Variants in COL21A1 observed in about 807,000 individuals in gnomAD.
The protein encoded by COL21A1 is collagen type XXI alpha 1 chain, also known as collagen alpha-1(XXI) chain.
COL21A1 carries 149 observed loss-of-function variants against 137.9 expected under a neutral mutation model. The observed-to-expected ratio is 1.08, with a 90% confidence interval of 0.95 to 1.24. COL21A1 has a LOEUF of 1.24. Ranked by LOEUF, COL21A1 falls within the 50% of genes most tolerant of loss-of-function variation. The pLI is 0.00. For missense variants in COL21A1, 1,167 were observed against 1,158.4 expected (o/e 1.01, Z -0.11); for synonymous variants, 456 against 391.5 (o/e 1.16, Z -1.95).
rs188864295 is a variant in COL21A1, at chr6:56,150,446, A to G, written c.1434+6441T>C. The stretch of plus-strand genomic sequence containing the variant: ...GGCAGGAGAATGGCGTGAACCTGGG[A>G]GGCGGAGCTTGCAGTGAGCCGAGAG... On this transcript the variant is annotated intron_variant, in intron 10 of 29. Coordinates refer to ENST00000244728, the MANE Select transcript of COL21A1 (RefSeq NM_030820.4). Among the ~76,000 whole-genome samples, 692 of 150,672 alleles carry G rather than the reference A, an allele frequency of 4.6e-3. 10 individuals carry two copies. Among genetic ancestry groups the G allele is most frequent in the African/African-American group, 0.016 (664 of 41,136 alleles).
intron 17 of COL21A1, among the ~76,000 whole-genome samples, chr6:56,085,440 T>C (rs911301082): frequency 6.6e-6 from 1 of 152,092 alleles, no homozygotes; most frequent in African/African-American, 2.4e-5. Context: ...CGAACCCATT[T>C]GGAAATATAA....
chr6:56,112,781 T>G (rs1429862263), intron 16 of COL21A1, among the ~76,000 whole-genome samples: 2 of 150,140 alleles, frequency 1.3e-5, no homozygotes, highest in African/African-American at 4.9e-5. Flanking sequence ...GCCTCCCAGG[T>G]TCAACCGATT....
In COL21A1 at chr6:56,171,007, T is replaced by C; in HGVS notation, c.762A>G (p.Ile254Met). The change falls in exon 4 of 30, where the codon ATA becomes ATG. Residue 254 changes from isoleucine (I) to methionine (M), a missense_variant. By Grantham distance (10) the Ile-to-Met change is conservative. Transcript: ENST00000244728. ...CTTTTGATGTTACTTCATATCCTTT[T>C]ATCTTTTTTGGTGAAAGCTGTATTC... ...KKRIQLSPKK[I>M]KGYEVTSKVD... The C allele has an allele frequency of 1.2e-6, 2 of 1,607,890 alleles. No homozygotes were observed. The highest frequency in any genetic ancestry group is 1.7e-6 in the Non-Finnish European group (2 of 1,177,658).
intron 1 of COL21A1, chr6:56,276,774 A>G: frequency 2.5e-6 from 3 of 1,182,194 alleles, no homozygotes; most frequent in Non-Finnish European, 3.8e-6. Context: ...TTTATTTGCT[A>G]ATTCTGGTTG....
intron 1 of COL21A1, among the ~76,000 whole-genome samples, chr6:56,185,813 A>G (rs1332512354): frequency 1.3e-5 from 2 of 152,252 alleles, no homozygotes; most frequent in Non-Finnish European, 2.9e-5. Flanking sequence ...TTAATCAAAA[A>G]CATTCACACA....
intron 17 of COL21A1, among the ~76,000 whole-genome samples, chr6:56,089,520 A>T (rs1267780490): frequency 3.3e-5 from 5 of 152,298 alleles, no homozygotes; most frequent in Non-Finnish European, 5.9e-5. Context: ...GTTCCAAAAA[A>T]ATTTTTCACT....
At chr6:56,104,146 G>T (rs995389914) in intron 16 of COL21A1, among the ~76,000 whole-genome samples, 2 of 152,020 alleles carry the variant, frequency 1.3e-5, no homozygotes, top group Admixed American at 1.3e-4. Flanking sequence ...TAATTTATAG[G>T]AGTTTTTTTA....
intron 1 of COL21A1, among the ~76,000 whole-genome samples, chr6:56,371,908 G>A (rs2093989512): frequency 6.6e-6 from 1 of 152,134 alleles, no homozygotes; most frequent in Non-Finnish European, 1.5e-5. Context: ...CCACACCCAA[G>A]TCCCTGCTCC....
At chr6:56,254,041 C>T (rs949443394) in intron 1 of COL21A1, among the ~76,000 whole-genome samples, 8 of 152,094 alleles carry the variant, frequency 5.3e-5, no homozygotes, top group African/African-American at 1.9e-4. Context: ...TTTTATCATC[C>T]TCAATTTCAG....
At chr6:56,252,654 G>A (rs769105091) in intron 1 of COL21A1, among the ~76,000 whole-genome samples, 6 of 152,156 alleles carry the variant, frequency 3.9e-5, no homozygotes, top group South Asian at 2.1e-4. Context: ...TATAAAGACA[G>A]TGAGTTCCAT....
chr6:56,069,401 C>T (rs896764149), intron 21 of COL21A1, among the ~76,000 whole-genome samples: 12 of 151,014 alleles, frequency 7.9e-5, no homozygotes, highest in African/African-American at 1.7e-4. Context: ...CAATAATAAA[C>T]GAAATAATAA....
chr6:56,175,467 A>ATGTT (rs1561948621), intron 3 of COL21A1, among the ~76,000 whole-genome samples: 1 of 152,130 alleles, frequency 6.6e-6, no homozygotes, highest in Admixed American at 6.5e-5. Context: ...CAAATTCAAC[A>ATGTT]TATAAAAATC....
At chr6:56,170,538 A>C (rs1458899171) in intron 5 of COL21A1, 111 bp downstream of exon 5, 1 of 726,686 alleles carries the variant, frequency 1.4e-6, no homozygotes, top group Non-Finnish European at 2.2e-6. Flanking sequence ...TTTAAAGTAA[A>C]AATATTTCCA....
intron 1 of COL21A1, among the ~76,000 whole-genome samples, chr6:56,207,545 T>C (rs1207960187): frequency 2.6e-5 from 4 of 152,150 alleles, no homozygotes; most frequent in African/African-American, 9.7e-5. Flanking sequence ...CAGAAATTAA[T>C]AGCCTACCAA....
intron 1 of COL21A1, among the ~76,000 whole-genome samples, chr6:56,210,912 A>T (rs533560477): frequency 6.6e-6 from 1 of 152,104 alleles, no homozygotes; most frequent in East Asian, 1.9e-4. Flanking sequence ...AATTTAAACC[A>T]TTGAATGTAA....
At chr6:56,162,132 C>G (rs1215994994) in intron 9 of COL21A1, among the ~76,000 whole-genome samples, 1 of 152,118 alleles carries the variant, frequency 6.6e-6, no homozygotes, top group Non-Finnish European at 1.5e-5. Context: ...ACTTTCAAAG[C>G]CAGAAAAGAA....
chr6:56,185,807 T>G lies in COL21A1; in HGVS notation c.-38-3151A>C, dbSNP rs567120527. Among the ~76,000 whole-genome samples, 242 of 152,076 alleles carry G rather than the reference T, an allele frequency of 1.6e-3. 2 individuals carry two copies. The highest frequency in any genetic ancestry group is 1.9e-3 in the Non-Finnish European group (129 of 68,000). Reference sequence around the variant, plus strand: ...TTTGTTAAAGAAGTTAAATTATTAATCAAAAACATTCACACAAAGAAAACT... The same window carrying G: ...TTTGTTAAAGAAGTTAAATTATTAAGCAAAAACATTCACACAAAGAAAACT... On this transcript the variant is annotated intron_variant, in intron 1 of 29. Coordinates refer to ENST00000244728, the MANE Select transcript of COL21A1 (RefSeq NM_030820.4).
At chr6:56,348,815 A>G (rs1007757820) in intron 1 of COL21A1, among the ~76,000 whole-genome samples, 6 of 152,224 alleles carry the variant, frequency 3.9e-5, no homozygotes, top group Admixed American at 2.0e-4. Flanking sequence ...CCAATCCTAT[A>G]TAAGTGGACT....
At chr6:56,104,760 A>G (rs1770735904) in intron 16 of COL21A1, among the ~76,000 whole-genome samples, 1 of 152,178 alleles carries the variant, frequency 6.6e-6, no homozygotes, top group African/African-American at 2.4e-5. Flanking sequence ...ACAACAAGAC[A>G]GTTCTTTAAA....
Sources: allele counts gnomAD v4.1 joint callset (sites outside exome capture counted in the v4.1 genomes callset), GRCh38; gene constraint gnomAD v4.1.1; transcripts MANE v1.5; gene names NCBI Gene and HGNC (gene_info 2026-07-23, HGNC 2026-07-21).